PER2: variants seen among roughly 807,000 people sequenced by gnomAD.
PER2 encodes the protein period circadian regulator 2.
Under a neutral mutation model 121.0 loss-of-function variants are expected in PER2, and 66 were observed. The ratio of observed to expected loss-of-function variants is 0.55; its 90% CI spans 0.45 to 0.67. The LOEUF is 0.67. Ranked by LOEUF, PER2 falls within the 30% of genes least tolerant of loss-of-function variation. The pLI is 0.00. For synonymous variants in PER2, 684 were observed against 659.9 expected, an observed-to-expected ratio of 1.04 and a Z score of -0.56; for missense variants, 1,521 against 1,635.0, an observed-to-expected ratio of 0.93 and a Z score of 1.20.
At chr2:238,254,146 G>A in intron 18 of PER2, 1 of 219,366 alleles carries the variant, frequency 4.6e-6, no homozygotes, top group South Asian at 6.4e-5. Flanking sequence ...TGTCACTACT[G>A]TTCCTTAAAG....
intron 1 of PER2, among the ~76,000 whole-genome samples, chr2:238,285,924 T>A (rs1430600287): frequency 6.6e-6 from 1 of 152,176 alleles, no homozygotes; most frequent in Non-Finnish European, 1.5e-5. Flanking sequence ...CAGCCTGCTG[T>A]AATCCTGAGA....
chr2:238,266,116 G>C (rs1395245612), intron 8 of PER2, among the ~76,000 whole-genome samples: 1 of 151,840 alleles, frequency 6.6e-6, no homozygotes, highest in African/African-American at 2.4e-5. Context: ...TGTTGGCCAG[G>C]ATGGTCTCGA....
chr2:238,266,845 C>T (rs912757491), intron 8 of PER2, among the ~76,000 whole-genome samples: 31 of 136,790 alleles, frequency 2.3e-4, no homozygotes, highest in African/African-American at 1.1e-3. Context: ...CGAGACCAGC[C>T]TGGGCAACAC....
At chr2:238,284,669 C>T (rs1696732141) in intron 1 of PER2, among the ~76,000 whole-genome samples, 1 of 152,190 alleles carries the variant, frequency 6.6e-6, no homozygotes, top group South Asian at 2.1e-4. Flanking sequence ...GCACGTAGCT[C>T]TCCTGGTTTT....
chr2:238,246,430 G>A lies in PER2; in HGVS notation c.3713C>T (p.Thr1238Ile), dbSNP rs1332347217. ...GGGGGATCCATTTTCGTCTTCTTTG[G>A]TGTCCGACACTTCGCTGAGTCCCAG... ...PSLGLSEVSD[T>I]KEDENGSPLN... The change falls in exon 23 of 23, where the codon ACC becomes ATC. Residue 1238 changes from threonine (T) to isoleucine (I), a missense_variant. By Grantham distance (89) the Thr-to-Ile change is moderately conservative. Coordinates refer to ENST00000254657, the MANE Select transcript of PER2 (RefSeq NM_022817.3). 5.0e-6 allele frequency: 8 copies of A among 1,612,692 alleles called. No homozygotes were observed. Among genetic ancestry groups the A allele is most frequent in the Middle Eastern group, 1.7e-4 (1 of 6,060 alleles).
rs1324631904 is a variant in PER2, at chr2:238,245,446, CAGG to C, written c.*926_*928del. ...CTGAGTGGCAGTGGCTGCTCTCGGC[CAGG>C]AGATGTGATGTGGGCTTGGCTGGGT... On this transcript the variant is annotated 3_prime_UTR_variant, in exon 23 of 23. Coordinates refer to ENST00000254657, the MANE Select transcript of PER2 (RefSeq NM_022817.3). 3 of 397,356 alleles carry C rather than the reference CAGG, an allele frequency of 7.5e-6. No individual in the cohort carries two copies. The highest frequency in any genetic ancestry group is 1.3e-5 in the Non-Finnish European group (3 of 225,644). 24.6% of individuals were successfully genotyped at this position (397,356 alleles called of 1,614,324 possible). A position where few individuals can be genotyped will look rare whatever the true frequency, so the allele number is the denominator to read the frequency against.
intron 9 of PER2, among the ~76,000 whole-genome samples, chr2:238,265,061 C>T (rs1173305212): frequency 6.6e-6 from 1 of 152,198 alleles, no homozygotes; most frequent in Non-Finnish European, 1.5e-5. Flanking sequence ...TTCGCACCTG[C>T]TACAGCACCC....
upstream of PER2, among the ~76,000 whole-genome samples, chr2:238,294,628 A>G (rs1697013251): frequency 6.6e-6 from 1 of 152,146 alleles, no homozygotes; most frequent in African/African-American, 2.4e-5. Flanking sequence ...TCCCTTTGCA[A>G]AAGACATTCT....
chr2:238,284,263 T>C (rs1696717007), intron 1 of PER2, among the ~76,000 whole-genome samples: 1 of 151,764 alleles, frequency 6.6e-6, no homozygotes, highest in Non-Finnish European at 1.5e-5. Flanking sequence ...ACCAATATGG[T>C]GAAACCCGTC....
rs138741721 is a variant in PER2, at chr2:238,275,759, G to A, written c.432C>T (p.Ser144=). 1.3e-4 allele frequency: 210 copies of A among 1,614,138 alleles called. 1 individual carries two copies. The African/African-American group carries it at 2.3e-3, about 18-fold the overall frequency. The change falls in exon 4 of 23, where the codon AGC becomes AGT. Residue 144 remains serine, a synonymous_variant. Transcript: ENST00000254657. ...CCGACGTACCTTTCACCTGCTTCAC[G>A]CTCCTGAGGGCGTACTTCAAGGTGG... ...TLATLKYALR[S]VKQVKANEEY...
At chr2:238,278,675 G>C (rs1389208851) in intron 1 of PER2, among the ~76,000 whole-genome samples, 2 of 152,146 alleles carry the variant, frequency 1.3e-5, no homozygotes, top group Non-Finnish European at 2.9e-5. Context: ...ATTACAGCAC[G>C]GCACAGTTAC....
At chr2:238,275,095 T>G (rs549402614) in intron 4 of PER2, among the ~76,000 whole-genome samples, 2 of 152,382 alleles carry the variant, frequency 1.3e-5, no homozygotes, top group Admixed American at 1.3e-4. Flanking sequence ...TTGAAACGAC[T>G]GATAATAGAA....
At chr2:238,261,032 G>A in intron 12 of PER2, 79 bp from the exon 13 acceptor site, 1 of 1,542,058 alleles carries the variant, frequency 6.5e-7, no homozygotes, top group Non-Finnish European at 8.8e-7. Flanking sequence ...AACACACCCT[G>A]TTTCGCAGAG....
At chr2:238,275,381 G>C (rs1362363928) in intron 4 of PER2, among the ~76,000 whole-genome samples, 1 of 152,166 alleles carries the variant, frequency 6.6e-6, no homozygotes, top group Non-Finnish European at 1.5e-5. Flanking sequence ...GGAGGTGGTA[G>C]TTTCCACTCT....
At position 238,263,042 on chromosome 2, in the gene PER2, C is replaced by T; in HGVS notation, c.1063G>A (p.Gly355Ser). Residue 355 changes from glycine (G) to serine (S), a missense_variant, in exon 10 of 23, where the codon GGC becomes AGC. Transcript: ENST00000254657. ...DVDERAVPLLGYLPQDLIETP... is the reference protein window; with the variant it reads ...DVDERAVPLLSYLPQDLIETP... ...TCAATCAGGTCCTGAGGTAGGTAGCCCAGGAGAGGGACCGCCCTGGAAGGC... is the reference window on the plus strand; with the variant it reads ...TCAATCAGGTCCTGAGGTAGGTAGCTCAGGAGAGGGACCGCCCTGGAAGGC... 1 of 1,612,874 alleles carries T rather than the reference C, an allele frequency of 6.2e-7. No homozygotes were observed. Among genetic ancestry groups the T allele is most frequent in the Non-Finnish European group, 8.5e-7 (1 of 1,178,940 alleles).
At chr2:238,277,645 C>G (rs1696494057) in intron 2 of PER2, 62 bp downstream of exon 2, 1 of 1,579,176 alleles carries the variant, frequency 6.3e-7, no homozygotes, top group Non-Finnish European at 8.7e-7. Flanking sequence ...CAAATCACAG[C>G]AGAAATGAGC....
In PER2 at chr2:238,263,055, C is replaced by T. The variant is rs759240742; in HGVS notation, c.1050G>A (p.Ala350=). 11 of 1,604,872 alleles carry T rather than the reference C, an allele frequency of 6.9e-6. No individual in the cohort carries two copies. Among genetic ancestry groups the T allele is most frequent in the Admixed American group, 5.0e-5 (3 of 59,964 alleles). ...GAGGTAGGTAGCCCAGGAGAGGGAC[C>T]GCCCTGGAAGGCAAGCAGACACACG... is the stretch of plus-strand genomic sequence containing the variant. The part of the protein sequence containing the change: ...NCLFQDVDER[A]VPLLGYLPQD... Residue 350 remains alanine (A), a synonymous_variant, in exon 10 of 23, where the codon GCG becomes GCA. Coordinates refer to ENST00000254657, the MANE Select transcript of PER2 (RefSeq NM_022817.3).
intron 1 of PER2, among the ~76,000 whole-genome samples, chr2:238,279,358 G>A (rs1371102411): frequency 6.6e-6 from 1 of 152,184 alleles, no homozygotes; most frequent in Non-Finnish European, 1.5e-5. Context: ...CGGTCTACAT[G>A]GTGCGCAGGA....
chr2:238,255,975 T>C (rs112028925), intron 17 of PER2, 64 bp from the exon 18 acceptor site: 2 of 1,576,734 alleles, frequency 1.3e-6, no homozygotes, highest in African/African-American at 2.7e-5. Flanking sequence ...AAGGCCACAC[T>C]ATATTCACGA....
Sources: gnomAD v4.1 joint callset for allele counts (sites outside exome capture counted in the v4.1 genomes callset) on GRCh38, gnomAD v4.1.1 for gene constraint, MANE v1.5 for transcripts, NCBI Gene and HGNC (gene_info 2026-07-23, HGNC 2026-07-21) for gene names.